Variants in TRIM14 observed in about 807,000 individuals in gnomAD.
The protein encoded by TRIM14 is tripartite motif-containing protein 14.
TRIM14 carries 28 observed loss-of-function variants against 44.5 expected under a neutral mutation model. The observed-to-expected ratio is 0.63, with a 90% confidence interval of 0.47 to 0.86. The LOEUF is 0.86. Ranked by LOEUF, TRIM14 falls within the 40% of genes least tolerant of loss-of-function variation. The pLI, the probability that TRIM14 is intolerant of heterozygous loss-of-function variation, is 0.00. For missense variants in TRIM14, 607 were observed against 611.1 expected (o/e 0.99, Z 0.07); for synonymous variants, 299 against 269.2 (o/e 1.11, Z -1.08).
At chr9:98,079,764 A>C (rs1375147325), downstream of TRIM14, among the ~76,000 whole-genome samples, 1 of 152,122 alleles carries the variant, frequency 6.6e-6, no homozygotes, top group Non-Finnish European at 1.5e-5. Flanking sequence ...TTGACACTAC[A>C]CATTGCAGGA....
the TRIM14 span, among the ~76,000 whole-genome samples, chr9:98,053,889 T>A: frequency 6.6e-6 from 1 of 152,216 alleles, no homozygotes; most frequent in Non-Finnish European, 1.5e-5. Flanking sequence ...CTTTGTAAGA[T>A]GCTGCCCGAT....
chr9:98,098,934 G>A (rs1194639786), intron 3 of TRIM14, among the ~76,000 whole-genome samples: 1 of 152,028 alleles, frequency 6.6e-6, no homozygotes, highest in Non-Finnish European at 1.5e-5. Context: ...ATCACGCCTG[G>A]CTGATATTTG....
chr9:98,036,763 C>T, the TRIM14 span, among the ~76,000 whole-genome samples: 2 of 152,014 alleles, frequency 1.3e-5, no homozygotes, highest in Non-Finnish European at 2.9e-5. Flanking sequence ...CAGATCGCAC[C>T]ATTGCATTCC....
At chr9:98,058,504 T>C in the TRIM14 span, among the ~76,000 whole-genome samples, 7 of 152,238 alleles carry the variant, frequency 4.6e-5, no homozygotes, top group Non-Finnish European at 8.8e-5. Context: ...GCCACAGGAC[T>C]CCAGCCTTTC....
At position 98,088,004 on chromosome 9, in the gene TRIM14, G is replaced by A. The variant is rs765929991; in HGVS notation, c.795C>T (p.Tyr265=). ...CAGGATCCAGCGTGGGCGTGCGCGC[G>A]TCTGCAGGGGGCGAGACAAGGGACG... ...PSPERSLLLK[Y]ARTPTLDPDT... The change falls in exon 6 of 6, where the codon TAC becomes TAT. Residue 265 remains tyrosine, a splice_region_variant and synonymous_variant. Transcript: ENST00000341469. 6 of 1,530,238 alleles carry A rather than the reference G, an allele frequency of 3.9e-6. No individual in the cohort carries two copies. Among genetic ancestry groups the A allele is most frequent in the African/African-American group, 1.4e-5 (1 of 69,806 alleles). The allele number at this position is 1,530,238 out of a possible 1,614,324, so 94.8% of individuals were successfully genotyped here.
chr9:98,075,294 G>T (rs745614172), intron 6 of TRIM14: 1 of 149,688 alleles, frequency 6.7e-6, no homozygotes, highest in Non-Finnish European at 1.5e-5. Context: ...TACCACAAAA[G>T]AAAAGAAAAA....
At chr9:98,078,776 A>C (rs1460023980) in intron 6 of TRIM14, among the ~76,000 whole-genome samples, 2 of 148,540 alleles carry the variant, frequency 1.3e-5, no homozygotes, top group Admixed American at 1.4e-4. Flanking sequence ...CAGAGGTTGC[A>C]GTGAGCCGAG....
chr9:98,060,901 C>T, the TRIM14 span: 1 of 1,614,198 alleles, frequency 6.2e-7, no homozygotes, highest in East Asian at 2.2e-5. Context: ...ACGGGGAGCA[C>T]AAACGACATC....
At chr9:98,111,785 A>T (rs1250887342) in intron 1 of TRIM14, among the ~76,000 whole-genome samples, 1 of 151,932 alleles carries the variant, frequency 6.6e-6, no homozygotes, top group African/African-American at 2.4e-5. Flanking sequence ...CTACAAATAC[A>T]AAATTAGCCA....
downstream of TRIM14, chr9:98,081,193 A>T: frequency 6.9e-7 from 1 of 1,440,928 alleles, no homozygotes; most frequent in South Asian, 1.3e-5. Context: ...TGATGAAATG[A>T]TCAGTGAATG....
At chr9:98,081,283 CAT>C (rs1305017833), downstream of TRIM14, 11 of 672,562 alleles carry the variant, frequency 1.6e-5, no homozygotes, top group Admixed American at 3.1e-5. Context: ...GCAGGAGACA[CAT>C]GTTATCTAAC....
At chr9:98,039,939 T>C in the TRIM14 span, among the ~76,000 whole-genome samples, 3 of 152,176 alleles carry the variant, frequency 2.0e-5, no homozygotes, top group African/African-American at 4.8e-5. Flanking sequence ...GAATTGACAC[T>C]GTCTAGCAGC....
intron 6 of TRIM14, among the ~76,000 whole-genome samples, chr9:98,078,731 A>C (rs1829707041): frequency 6.6e-6 from 1 of 150,434 alleles, no homozygotes; most frequent in Non-Finnish European, 1.5e-5. Context: ...GCTACTCAGG[A>C]GGCTGAGGCA....
chr9:98,070,654 A>G (rs1829299470), intron 6 of TRIM14, among the ~76,000 whole-genome samples: 1 of 152,124 alleles, frequency 6.6e-6, no homozygotes, highest in South Asian at 2.1e-4. Flanking sequence ...TCCCGACCTC[A>G]GGTGATCCGC....
At chr9:98,073,970 G>GA (rs1413576362) in intron 6 of TRIM14, among the ~76,000 whole-genome samples, 1 of 151,806 alleles carries the variant, frequency 6.6e-6, no homozygotes, top group Non-Finnish European at 1.5e-5. Flanking sequence ...ATGTTTTGTA[G>GA]AAACGGGATT....
the TRIM14 span, among the ~76,000 whole-genome samples, chr9:98,039,968 GGT>G: frequency 6.6e-6 from 1 of 152,032 alleles, no homozygotes. Context: ...TGAACCCCTG[GGT>G]GGTTACAGGA....
intron 6 of TRIM14, among the ~76,000 whole-genome samples, chr9:98,071,121 AT>A (rs766881736): frequency 3.9e-5 from 6 of 152,146 alleles, no homozygotes; most frequent in Non-Finnish European, 7.4e-5. Context: ...CTCCTTAGTA[AT>A]TTTTAAGAAT....
At chr9:98,117,017 A>T (rs10119351) in intron 1 of TRIM14, among the ~76,000 whole-genome samples, 14,161 of 152,162 alleles carry the variant, frequency 0.093, 1,976 homozygotes, top group African/African-American at 0.3. Flanking sequence ...TTTCAGAAGA[A>T]AATCTTAGCA....
downstream of TRIM14, among the ~76,000 whole-genome samples, chr9:98,080,389 G>A (rs1284097885): frequency 6.6e-6 from 1 of 152,196 alleles, no homozygotes; most frequent in African/African-American, 2.4e-5. Context: ...CCAAAGGATT[G>A]TTTTGAGATT....
Sources: gnomAD v4.1 joint callset for allele counts (sites outside exome capture counted in the v4.1 genomes callset) on GRCh38, gnomAD v4.1.1 for gene constraint, MANE v1.5 for transcripts, NCBI Gene and HGNC (gene_info 2026-07-23, HGNC 2026-07-21) for gene names.